The following APBB2 variants were observed in gnomAD, a reference collection of about 807,000 sequenced individuals.
APBB2 encodes amyloid beta precursor protein binding family B member 2.
In APBB2, 38 loss-of-function variants were observed where a neutral mutation model predicts 82.5. The ratio of observed to expected loss-of-function variants is 0.46; its 90% CI spans 0.36 to 0.60. The LOEUF is 0.60. Among genes scored for constraint, APBB2 ranks in the 20% least tolerant of loss-of-function variants. The pLI is 0.00. For synonymous variants in APBB2, 341 were observed against 368.2 expected (o/e 0.93, Z 0.85); for missense variants, 772 against 972.3 (o/e 0.79, Z 2.74).
At chr4:40,861,362 T>A (rs9654071) in intron 12 of APBB2, among the ~76,000 whole-genome samples, 87 of 137,476 alleles carry the variant, frequency 6.3e-4, no homozygotes, top group Middle Eastern at 8.3e-3. Flanking sequence ...AAAAAAAAAA[T>A]TTTTTTTTTT....
intron 6 of APBB2, among the ~76,000 whole-genome samples, chr4:40,973,518 C>T (rs1796439230): frequency 6.6e-6 from 1 of 152,204 alleles, no homozygotes; most frequent in Non-Finnish European, 1.5e-5. Flanking sequence ...CCCACCAGGT[C>T]TCTGATTCAC....
intron 12 of APBB2, among the ~76,000 whole-genome samples, chr4:40,853,172 C>T (rs556459673): frequency 6.6e-6 from 1 of 152,266 alleles, no homozygotes; most frequent in African/African-American, 2.4e-5. Flanking sequence ...CTCTTCATGC[C>T]CTCTGCCATG....
chr4:40,933,805 T>C (rs1042366714), intron 10 of APBB2, among the ~76,000 whole-genome samples: 2 of 152,186 alleles, frequency 1.3e-5, no homozygotes, highest in Non-Finnish European at 2.9e-5. Flanking sequence ...ACTTATAAGA[T>C]ACAAATTCAA....
In APBB2 at chr4:41,035,294, C is replaced by T. The variant is rs547549525; in HGVS notation, c.-50-1990G>A. Among the ~76,000 whole-genome samples the T allele has an allele frequency of 3.3e-5, 5 of 152,158 alleles. 1 individual carries two copies. In the South Asian group the frequency reaches 8.3e-4, roughly 25 times the overall value. On this transcript the variant is annotated intron_variant, in intron 4 of 17. Transcript: ENST00000508593. ...TCCAAATTTATGATTCTGATAATGA[C>T]CTGACAGCCTGGTCTACTGAACCAA...
At chr4:40,964,458 AT>A (rs59599999) in intron 6 of APBB2, among the ~76,000 whole-genome samples, 31,740 of 148,258 alleles carry the variant, frequency 0.21, 3,659 homozygotes, top group African/African-American at 0.27. Flanking sequence ...TAAACAAATC[AT>A]TTTTTTCCCC....
intron 1 of APBB2, among the ~76,000 whole-genome samples, chr4:41,145,222 C>T (rs764226875): frequency 4.3e-4 from 66 of 152,178 alleles, no homozygotes; most frequent in Non-Finnish European, 8.1e-4. Flanking sequence ...TTCTGATGCT[C>T]TTGGCATCCT....
chr4:41,210,712 T>C (rs985576936), intron 1 of APBB2, among the ~76,000 whole-genome samples: 16 of 152,222 alleles, frequency 1.1e-4, no homozygotes, highest in African/African-American at 3.9e-4. Flanking sequence ...TCTGAAGATA[T>C]GCAGTTCCAA....
intron 6 of APBB2, among the ~76,000 whole-genome samples, chr4:40,966,411 A>C (rs1236878554): frequency 3.3e-5 from 5 of 152,180 alleles, no homozygotes; most frequent in Non-Finnish European, 7.4e-5. Context: ...CACCAGCCAG[A>C]GGGAGTTGGG....
intron 3 of APBB2, among the ~76,000 whole-genome samples, chr4:41,080,698 C>CTTTT (rs5857775): frequency 8.3e-6 from 1 of 120,932 alleles, no homozygotes; most frequent in Non-Finnish European, 1.7e-5. Context: ...GTAAATGCTC[C>CTTTT]TTTTTTTTTT....
intron 10 of APBB2, among the ~76,000 whole-genome samples, chr4:40,926,081 CCA>C (rs1782540849): frequency 6.6e-6 from 1 of 152,160 alleles, no homozygotes; most frequent in African/African-American, 2.4e-5. Flanking sequence ...TTGCAAATGG[CCA>C]TAAAAGAACT....
intron 2 of APBB2, among the ~76,000 whole-genome samples, chr4:41,131,652 G>C (rs1756016490): frequency 6.6e-6 from 1 of 152,156 alleles, no homozygotes; most frequent in Admixed American, 6.5e-5. Context: ...AAACATTACT[G>C]AGTCGGATGA....
At chr4:41,125,814 G>A (rs1052259417) in intron 2 of APBB2, among the ~76,000 whole-genome samples, 6 of 152,122 alleles carry the variant, frequency 3.9e-5, no homozygotes, top group South Asian at 2.1e-4. Flanking sequence ...CCAAGCTGCC[G>A]GAGACAGTCT....
intron 4 of APBB2, among the ~76,000 whole-genome samples, chr4:41,055,593 T>C (rs1727558514): frequency 2.6e-5 from 4 of 152,114 alleles, no homozygotes; most frequent in African/African-American, 9.7e-5. Context: ...TGGAACTTCC[T>C]CTCTCCCCAA....
chr4:40,992,574 C>T (rs1802442841), intron 6 of APBB2, among the ~76,000 whole-genome samples: 1 of 152,098 alleles, frequency 6.6e-6, no homozygotes, highest in Non-Finnish European at 1.5e-5. Flanking sequence ...TCTTGGACAC[C>T]TCATTAATAT....
chr4:40,846,017 T>G (rs961984362), intron 12 of APBB2, among the ~76,000 whole-genome samples: 2 of 1,134 alleles, frequency 1.8e-3, no homozygotes, highest in African/African-American at 7.0e-3. Flanking sequence ...GTGAGTGGGG[T>G]GTGTGTGTGT....
intron 1 of APBB2, among the ~76,000 whole-genome samples, chr4:41,164,194 A>G (rs1381885082): frequency 6.6e-6 from 1 of 152,202 alleles, no homozygotes; most frequent in Non-Finnish European, 1.5e-5. Context: ...TGTGCATGAA[A>G]CAAAGTTTTG....
At chr4:40,922,894 A>T (rs1343383693) in intron 10 of APBB2, among the ~76,000 whole-genome samples, 1 of 152,028 alleles carries the variant, frequency 6.6e-6, no homozygotes, top group African/African-American at 2.4e-5. Flanking sequence ...CTGGGATTAC[A>T]GGCATGAGCC....
At chr4:40,959,457 C>T (rs746272419) in intron 6 of APBB2, among the ~76,000 whole-genome samples, 6 of 152,192 alleles carry the variant, frequency 3.9e-5, no homozygotes, top group Non-Finnish European at 7.3e-5. Flanking sequence ...TAGTATACAA[C>T]AGCAACGATC....
At chr4:40,969,089 C>T (rs897087373) in intron 6 of APBB2, among the ~76,000 whole-genome samples, 2 of 152,210 alleles carry the variant, frequency 1.3e-5, no homozygotes, top group African/African-American at 4.8e-5. Context: ...AACTGTGAGT[C>T]CACTAAACCT....
Sources: allele counts gnomAD v4.1 joint callset (sites outside exome capture counted in the v4.1 genomes callset), GRCh38; gene constraint gnomAD v4.1.1; transcripts MANE v1.5; gene names NCBI Gene and HGNC (gene_info 2026-07-23, HGNC 2026-07-21).